Variants in PCDH7 observed in about 807,000 individuals in gnomAD.
PCDH7 encodes the protein protocadherin-7.
Under a neutral mutation model 58.9 loss-of-function variants are expected in PCDH7, and 17 were observed. That is an observed-to-expected ratio of 0.29 (90% confidence interval 0.20 to 0.43). The LOEUF (loss-of-function observed/expected upper bound fraction) is 0.43. PCDH7 is among the 20% of genes least tolerant of loss of function. The pLI is 1.00. For synonymous variants in PCDH7, 664 were observed against 616.4 expected (o/e 1.08, Z -1.14); for missense variants, 1,274 against 1,441.0 (o/e 0.88, Z 1.88).
intron 3 of PCDH7, among the ~76,000 whole-genome samples, chr4:30,997,182 A>T (rs191963220): frequency 2.6e-5 from 4 of 152,236 alleles, no homozygotes; most frequent in Admixed American, 6.5e-5. Flanking sequence ...AAAGAGCGAT[A>T]TAATAAAGTG....
At chr4:31,003,217 CT>C (rs1327229069) in intron 3 of PCDH7, among the ~76,000 whole-genome samples, 1 of 151,996 alleles carries the variant, frequency 6.6e-6, no homozygotes, top group African/African-American at 2.4e-5. Context: ...TGGATTCTTT[CT>C]TCTTTGCAGA....
chr4:31,041,845 C>T (rs1174012481), intron 3 of PCDH7, among the ~76,000 whole-genome samples: 1 of 152,062 alleles, frequency 6.6e-6, no homozygotes, highest in East Asian at 1.9e-4. Context: ...TTTACTATTT[C>T]TGAGGAATAA....
chr4:30,805,073 C>T (rs929870426), intron 1 of PCDH7, among the ~76,000 whole-genome samples: 1 of 152,182 alleles, frequency 6.6e-6, no homozygotes, highest in African/African-American at 2.4e-5. Flanking sequence ...ACTCCCTTCC[C>T]TGGAGCACTT....
At position 30,721,638 on chromosome 4, in the gene PCDH7, C is replaced by A; in HGVS notation, c.216C>A (p.Ser72=). The A allele has an allele frequency of 6.2e-7, 1 of 1,613,730 alleles. No homozygotes were observed. ...TGACTTTCAGCCTGGAGTCCGGTTC[C>A]GAGTACCTGAAGATCGACAACCTCA... is the stretch of plus-strand genomic sequence containing the variant. The change falls in exon 1 of 2, where the codon TCC becomes TCA. Residue 72 remains serine, a synonymous_variant. Coordinates refer to ENST00000361762, the Ensembl canonical transcript of PCDH7. The surrounding 1 kb of genome is among the most constrained non-coding windows in gnomAD (Gnocchi z 6.7).
chr4:31,025,076 G>C (rs1014216406), intron 3 of PCDH7, among the ~76,000 whole-genome samples: 1 of 152,134 alleles, frequency 6.6e-6, no homozygotes, highest in African/African-American at 2.4e-5. Flanking sequence ...AAGTTATTCA[G>C]TGAATAACCT....
chr4:30,935,346 T>C (rs890858176), intron 2 of PCDH7: 12 of 983,186 alleles, frequency 1.2e-5, no homozygotes, highest in Non-Finnish European at 1.4e-5. Flanking sequence ...GCTGTAAAGG[T>C]AAGTAGTTTC....
At position 31,142,456 on chromosome 4, in the gene PCDH7, T is replaced by C. The variant is rs768962200; in HGVS notation, c.*8-17T>C. ...AGGAGTGTCAAATACTAATGGCTTA[T>C]TCTCCTTGGATTTCAGATTCAAGGC... is the stretch of plus-strand genomic sequence containing the variant. On this transcript the variant is annotated splice_polypyrimidine_tract_variant and intron_variant, in intron 3 of 3. Coordinates refer to the PCDH7 transcript ENST00000509759. 2.9e-6 allele frequency: 4 copies of C among 1,362,140 alleles called. No individual in the cohort carries two copies. The highest frequency in any genetic ancestry group is 3.9e-6 in the Non-Finnish European group (4 of 1,019,226). 84.4% of individuals were successfully genotyped at this position (1,362,140 alleles called of 1,614,324 possible).
chr4:30,871,729 A>G (rs954463232), intron 1 of PCDH7, among the ~76,000 whole-genome samples: 2 of 152,050 alleles, frequency 1.3e-5, no homozygotes, highest in African/African-American at 4.8e-5. Flanking sequence ...GCACAAAATA[A>G]TAGAAATATA....
At chr4:30,910,779 A>G (rs1212640511) in intron 1 of PCDH7, among the ~76,000 whole-genome samples, 1 of 152,182 alleles carries the variant, frequency 6.6e-6, no homozygotes, top group East Asian at 1.9e-4. Context: ...AACTAGAAAT[A>G]CCATTTGACC....
At chr4:30,730,670 T>G in intron 1 of PCDH7, 1 of 997,190 alleles carries the variant, frequency 1.0e-6, no homozygotes, top group Non-Finnish European at 1.5e-6. Context: ...TACTAAAGCT[T>G]TCCAATTGGG....
intron 3 of PCDH7, among the ~76,000 whole-genome samples, chr4:31,045,764 GC>G (rs201826464): frequency 0.024 from 3,657 of 152,012 alleles, 71 homozygotes; most frequent in Non-Finnish European, 0.037. Context: ...TACAAAGGCT[GC>G]CTTTTGAGGA....
chr4:30,794,125 C>T (rs1343003318), intron 1 of PCDH7, among the ~76,000 whole-genome samples: 7 of 152,088 alleles, frequency 4.6e-5, no homozygotes, highest in Non-Finnish European at 1.0e-4. Flanking sequence ...TTCTGCAGAG[C>T]CAAAGACAGT....
intron 3 of PCDH7, among the ~76,000 whole-genome samples, chr4:31,079,978 A>G (rs1262085542): frequency 6.6e-6 from 1 of 152,204 alleles, no homozygotes; most frequent in Admixed American, 6.5e-5. Context: ...GTAAACACTC[A>G]GTAAGAAGTG....
chr4:30,928,727 A>T lies in PCDH7; in HGVS notation c.287+8358A>T, dbSNP rs1384104378. Among the ~76,000 whole-genome samples the T allele has an allele frequency of 3.3e-5, 5 of 152,326 alleles. No individual in the cohort carries two copies. In the East Asian group the frequency reaches 9.6e-4, roughly 29 times the overall value. ...TATAAATCAAATGTTGGACAGGAAG[A>T]AGGCCATGAAATGTTCTTTGGCTGC... On this transcript the variant is annotated intron_variant, in intron 2 of 3. Coordinates refer to the PCDH7 transcript ENST00000509759.
chr4:30,785,495 T>C (rs756178312), intron 1 of PCDH7, among the ~76,000 whole-genome samples: 1 of 152,072 alleles, frequency 6.6e-6, no homozygotes, highest in Non-Finnish European at 1.5e-5. Context: ...CAAAAAGATA[T>C]TGTTTTTATT....
intron 3 of PCDH7, among the ~76,000 whole-genome samples, chr4:31,058,118 T>A (rs965840604): frequency 1.3e-5 from 2 of 151,952 alleles, no homozygotes; most frequent in Non-Finnish European, 2.9e-5. Flanking sequence ...TAGAGAAAAA[T>A]TTGGCTTCTC....
In PCDH7 at chr4:31,011,188, G is replaced by T. The variant is rs60946225; in HGVS notation, c.*7+60973G>T. Among the ~76,000 whole-genome samples, 404 of 152,108 alleles carry T rather than the reference G, an allele frequency of 2.7e-3. 2 individuals carry two copies. Among genetic ancestry groups the T allele is most frequent in the African/African-American group, 9.3e-3 (387 of 41,548 alleles). On this transcript the variant is annotated intron_variant, in intron 3 of 3. Coordinates refer to the PCDH7 transcript ENST00000509759. Reference sequence around the variant, plus strand: ...AGGTTACAGTTTTGTAGCAGGTGTGGAATATATAGATAGATCATTCATAAA... The same window carrying T: ...AGGTTACAGTTTTGTAGCAGGTGTGTAATATATAGATAGATCATTCATAAA...
rs370034723 is a variant in PCDH7 at position 31,097,638 on chromosome 4, A to ATATATATATATAATC, written c.*8-44835_*8-44834insTATATATATATAATC. Among the ~76,000 whole-genome samples the ATATATATATATAATC allele has an allele frequency of 2.6e-4, 21 of 79,252 alleles. 1 individual carries two copies. Among genetic ancestry groups the ATATATATATATAATC allele is most frequent in the South Asian group, 4.3e-4 (1 of 2,322 alleles). 52.0% of individuals were successfully genotyped at this position (79,252 alleles called of 152,430 possible). ...TATATATATATATATATATATATAT[A>ATATATATATATAATC]AATCTTTTTTCTGTAATTTCTGTAA... On this transcript the variant is annotated intron_variant, in intron 3 of 3. Coordinates refer to the PCDH7 transcript ENST00000509759.
At chr4:31,059,615 T>A (rs1330612052) in intron 3 of PCDH7, among the ~76,000 whole-genome samples, 1 of 151,850 alleles carries the variant, frequency 6.6e-6, no homozygotes, top group Non-Finnish European at 1.5e-5. Context: ...ATTTTCAACT[T>A]GAGCTAGACA....
Sources: gnomAD v4.1 joint callset for allele counts (sites outside exome capture counted in the v4.1 genomes callset) on GRCh38, gnomAD v4.1.1 for gene constraint, Gnocchi (gnomAD v3.1) non-coding constraint, MANE v1.5 for transcripts, NCBI Gene and HGNC (gene_info 2026-07-23, HGNC 2026-07-21) for gene names.